The following ZNRF2 variants were observed in gnomAD, a reference collection of about 807,000 sequenced individuals.
The protein encoded by ZNRF2 is E3 ubiquitin-protein ligase ZNRF2.
Under a neutral mutation model 20.4 loss-of-function variants are expected in ZNRF2, and 16 were observed. The observed-to-expected ratio is 0.79, with a 90% CI of 0.53 to 1.19. The LOEUF (loss-of-function observed/expected upper bound fraction) is 1.19. Among genes scored for constraint, ZNRF2 ranks in the 50% most tolerant of loss-of-function variants. The pLI, the probability that ZNRF2 is intolerant of heterozygous loss-of-function variation, is 0.00. For synonymous variants in ZNRF2, 178 were observed against 144.9 expected (o/e 1.23, Z -1.64); for missense variants, 363 against 332.4 (o/e 1.09, Z -0.72).
chr7:30,297,923 C>T (rs1039864578), intron 1 of ZNRF2, among the ~76,000 whole-genome samples: 1 of 151,702 alleles, frequency 6.6e-6, no homozygotes, highest in Admixed American at 6.6e-5. Context: ...GGAGTGTAGT[C>T]GTGTGATCCT....
chr7:30,349,747 T>C (rs1450810289), intron 2 of ZNRF2, among the ~76,000 whole-genome samples: 1 of 152,170 alleles, frequency 6.6e-6, no homozygotes, highest in African/African-American at 2.4e-5. Flanking sequence ...TTTTCAGGAC[T>C]GGTGCTTTTC....
Position 30,342,329 on chromosome 7 carries a change from T to C in ZNRF2, c.566-13399T>C, listed in dbSNP as rs1010540066. 3.2e-4 allele frequency among the ~76,000 whole-genome samples: 49 copies of C among 152,342 alleles called. 1 individual carries two copies. The highest frequency in any genetic ancestry group is 4.2e-4 in the South Asian group (2 of 4,818). On this transcript the variant is annotated intron_variant, in intron 2 of 4. Coordinates refer to ENST00000323037, the MANE Select transcript of ZNRF2 (RefSeq NM_147128.4). ...TGCAATTTCTTCATAGTGTTGATGGTGATTACAGTTTGTTATGTTTTTGTA... is the reference window on the plus strand; with the variant it reads ...TGCAATTTCTTCATAGTGTTGATGGCGATTACAGTTTGTTATGTTTTTGTA...
At chr7:30,296,699 C>G (rs989675645) in intron 1 of ZNRF2, among the ~76,000 whole-genome samples, 3 of 152,170 alleles carry the variant, frequency 2.0e-5, no homozygotes, top group Non-Finnish European at 2.9e-5. Flanking sequence ...CTCTTCCTAC[C>G]ACCTTACCGT....
intron 1 of ZNRF2, chr7:30,289,787 G>C (rs376841487): frequency 1.9e-6 from 1 of 534,444 alleles, no homozygotes; most frequent in African/African-American, 1.9e-5. Context: ...CTAAGAACCT[G>C]GTATTTTGAT....
chr7:30,324,481 G>A (rs1459085955), intron 2 of ZNRF2, among the ~76,000 whole-genome samples: 2 of 150,196 alleles, frequency 1.3e-5, no homozygotes, highest in South Asian at 4.2e-4. Context: ...CCCAGGAGGC[G>A]AAAGTTGTAG....
chr7:30,295,443 C>T (rs960569332), intron 1 of ZNRF2, among the ~76,000 whole-genome samples: 23 of 152,182 alleles, frequency 1.5e-4, no homozygotes. Context: ...GGTACAGTGG[C>T]TTGCACCTGT....
intron 4 of ZNRF2, among the ~76,000 whole-genome samples, chr7:30,364,285 A>C (rs1488776939): frequency 6.6e-6 from 1 of 152,192 alleles, no homozygotes; most frequent in Non-Finnish European, 1.5e-5. Context: ...GAAATGTGGA[A>C]GCCTTGGTAG....
intron 3 of ZNRF2, among the ~76,000 whole-genome samples, chr7:30,359,194 G>A (rs1411522933): frequency 3.9e-5 from 6 of 152,088 alleles, no homozygotes; most frequent in South Asian, 2.1e-4. Context: ...AAAGAAAATC[G>A]TGGAAATGTT....
intron 2 of ZNRF2, among the ~76,000 whole-genome samples, chr7:30,324,560 G>GA (rs57509036): frequency 0.039 from 5,600 of 142,790 alleles, 392 homozygotes; most frequent in African/African-American, 0.14. Context: ...AAAAAAAAAA[G>GA]AAAAAAAAAC....
At chr7:30,337,026 A>C (rs1386203772) in intron 2 of ZNRF2, among the ~76,000 whole-genome samples, 1 of 152,146 alleles carries the variant, frequency 6.6e-6, no homozygotes, top group Non-Finnish European at 1.5e-5. Flanking sequence ...CAAATTTAAA[A>C]AGTTTATTAA....
chr7:30,347,429 T>G (rs1799895518), intron 2 of ZNRF2, among the ~76,000 whole-genome samples: 1 of 152,198 alleles, frequency 6.6e-6, no homozygotes, highest in Non-Finnish European at 1.5e-5. Context: ...CCTGCTCTGT[T>G]AGATTCACTT....
At chr7:30,310,148 A>T (rs1430492959) in intron 1 of ZNRF2, among the ~76,000 whole-genome samples, 7 of 152,196 alleles carry the variant, frequency 4.6e-5, no homozygotes, top group Non-Finnish European at 1.0e-4. Flanking sequence ...TCAGGAGGTA[A>T]AATCTACCAG....
chr7:30,290,152 A>C lies in ZNRF2; in HGVS notation c.469+4326A>C, dbSNP rs546661439. Among the ~76,000 whole-genome samples the C allele has an allele frequency of 2.2e-4, 34 of 152,346 alleles. No homozygotes were observed. The South Asian group carries it at 6.4e-3, about 29-fold the overall frequency. ...TATGTGAATATTCTTAAGAACTGTT[A>C]TTTGAAATGTTAGTCTGTGTTTTAA... On this transcript the variant is annotated intron_variant, in intron 1 of 4. Transcript: ENST00000323037.
intron 1 of ZNRF2, among the ~76,000 whole-genome samples, chr7:30,306,899 T>A (rs1450842257): frequency 6.6e-6 from 1 of 152,120 alleles, no homozygotes; most frequent in Non-Finnish European, 1.5e-5. Context: ...GGCTGCCTAA[T>A]CTCTCATTAT....
intron 1 of ZNRF2, among the ~76,000 whole-genome samples, chr7:30,296,839 A>G (rs1447711473): frequency 6.6e-6 from 1 of 152,194 alleles, no homozygotes; most frequent in Non-Finnish European, 1.5e-5. Flanking sequence ...TTACTTTCAT[A>G]TAGTAATGTA....
At chr7:30,309,960 A>T (rs1018912733) in intron 1 of ZNRF2, among the ~76,000 whole-genome samples, 81 of 152,310 alleles carry the variant, frequency 5.3e-4, no homozygotes, top group Non-Finnish European at 2.2e-4. Flanking sequence ...ATTTTAAACC[A>T]GGGAGTGATC....
chr7:30,295,040 AGAGAGAGAGAGTGTGTGTGTGTGT>A (rs1224325803), intron 1 of ZNRF2, among the ~76,000 whole-genome samples: 29 of 115,088 alleles, frequency 2.5e-4, no homozygotes, highest in African/African-American at 1.0e-3. Context: ...AGAGAGAGAG[AGAGAGAGAGAGTGTGTGTGTGTGT>A]GTGTGTGTGT....
rs1230844135 is a variant in ZNRF2, at chr7:30,343,616, C to G, written c.566-12112C>G. ...CCTCTGTCTCCTTTAATGTTTATGC[C>G]TTATGTTCAACCTTGTCAATAGTAA... On this transcript the variant is annotated intron_variant, in intron 2 of 4. Coordinates refer to ENST00000323037, the MANE Select transcript of ZNRF2 (RefSeq NM_147128.4). 2.0e-5 allele frequency among the ~76,000 whole-genome samples: 3 copies of G among 151,446 alleles called. No individual in the cohort carries two copies. In the East Asian group the frequency reaches 5.8e-4, roughly 29 times the overall value.
chr7:30,309,856 T>G (rs1264637317), intron 1 of ZNRF2, among the ~76,000 whole-genome samples: 1 of 152,136 alleles, frequency 6.6e-6, no homozygotes, highest in African/African-American at 2.4e-5. Flanking sequence ...TTGTAAAAAG[T>G]TTTAGGGTAT....
Sources: gnomAD v4.1 joint callset for allele counts (sites outside exome capture counted in the v4.1 genomes callset) on GRCh38, gnomAD v4.1.1 for gene constraint, MANE v1.5 for transcripts, NCBI Gene and HGNC (gene_info 2026-07-23, HGNC 2026-07-21) for gene names.